The following ALG8 variants were observed in gnomAD, a reference collection of about 807,000 sequenced individuals.
The protein encoded by ALG8 is dolichyl pyrophosphate Glc1Man9GlcNAc2 alpha-1,3-glucosyltransferase.
In ALG8, 48 loss-of-function variants were observed where a neutral mutation model predicts 70.2. The ratio of observed to expected loss-of-function variants is 0.68; its 90% CI spans 0.54 to 0.87. The LOEUF is 0.87. ALG8 is among the 40% of genes least tolerant of loss of function. ALG8 has a pLI of 0.00. For missense variants in ALG8, 572 were observed against 608.7 expected, an observed-to-expected ratio of 0.94 and a Z score of 0.64; for synonymous variants, 234 against 229.0, an observed-to-expected ratio of 1.02 and a Z score of -0.20.
chr11:78,103,187 C>T (rs577367418), intron 12 of ALG8, among the ~76,000 whole-genome samples: 18 of 151,802 alleles, frequency 1.2e-4, no homozygotes, highest in Non-Finnish European at 2.2e-4. Flanking sequence ...TAGCCGGGCA[C>T]AGCAGCTCAC....
intron 5 of ALG8, among the ~76,000 whole-genome samples, chr11:78,118,468 T>C (rs1860676774): frequency 6.6e-6 from 1 of 151,066 alleles, no homozygotes; most frequent in African/African-American, 2.4e-5. Flanking sequence ...ATACAAAAAT[T>C]AGCCAGGCAT....
chr11:78,114,083 T>C (rs780673624), intron 6 of ALG8, 94 bp from the exon 7 acceptor site: 10 of 1,368,946 alleles, frequency 7.3e-6, no homozygotes, highest in South Asian at 1.2e-5. Flanking sequence ...TATCCCACAA[T>C]AGTATACCAA....
At chr11:78,112,315 G>C (rs1860325192) in intron 8 of ALG8, 1 of 341,190 alleles carries the variant, frequency 2.9e-6, no homozygotes, top group African/African-American at 2.1e-5. Flanking sequence ...ATGGTGAGAA[G>C]GGGGGAAAAA....
intron 12 of ALG8, among the ~76,000 whole-genome samples, chr11:78,101,510 T>C (rs1182622409): frequency 6.6e-6 from 1 of 152,162 alleles, no homozygotes; most frequent in Non-Finnish European, 1.5e-5. Flanking sequence ...AGGCCTGTAA[T>C]TCCAGCTACT....
intron 2 of ALG8, among the ~76,000 whole-genome samples, chr11:78,125,367 G>A (rs688355): frequency 0.19 from 28,784 of 151,578 alleles, 3,084 homozygotes; most frequent in Middle Eastern, 0.29. Flanking sequence ...AACAGGGATA[G>A]TAGTATCTAC....
chr11:78,118,660 T>G (rs1212023803), intron 5 of ALG8, among the ~76,000 whole-genome samples: 1 of 144,316 alleles, frequency 6.9e-6, no homozygotes, highest in Non-Finnish European at 1.5e-5. Context: ...AAATGTAATT[T>G]AGGGCAGGCA....
rs370697846 is a variant in ALG8 at position 78,139,601 on chromosome 11, G to C, written c.-13C>G. Reference sequence around the variant, plus strand: ...TGAGCGCCGCCATTGCTGCGGCACCGCACGCTTCCCACCAACTTGATCCAC... The same window carrying C: ...TGAGCGCCGCCATTGCTGCGGCACCCCACGCTTCCCACCAACTTGATCCAC... On this transcript the variant is annotated 5_prime_UTR_variant, in exon 1 of 13. Transcript: ENST00000299626. 18 of 1,551,448 alleles carry C rather than the reference G, an allele frequency of 1.2e-5. No individual in the cohort carries two copies. Among genetic ancestry groups the C allele is most frequent in the Non-Finnish European group, 1.6e-5 (18 of 1,146,712 alleles).
rs1683219 is a variant in ALG8 at position 78,117,784 on chromosome 11, A to C, written c.546+1398T>G. Among the ~76,000 whole-genome samples the C allele has an allele frequency of 1.2e-3, 185 of 148,886 alleles. 3 individuals are homozygous for C. The Middle Eastern group carries it at 0.014, about 12-fold the overall frequency. On this transcript the variant is annotated intron_variant, in intron 5 of 12. Transcript: ENST00000299626. ...CAGAGCAAGACTCCAACTCTTAAGA[A>C]AAAAAAAAGACCGGGAGCGGTGGCT...
At position 78,124,125 on chromosome 11, in the gene ALG8, T is replaced by C; in HGVS notation, c.264A>G (p.Glu88=). The change falls in exon 3 of 13, where the codon GAA becomes GAG. Residue 88 remains glutamate, a synonymous_variant. Transcript: ENST00000299626. ...AATTCAAATTATGGACATTCAGCATTTCTTGATCAAAATATTTGGCAACAT... is the reference window on the plus strand; with the variant it reads ...AATTCAAATTATGGACATTCAGCATCTCTTGATCAAAATATTTGGCAACAT... ...LSHVAKYFDQ[E]MLNVHNLNYS... The C allele has an allele frequency of 6.2e-7, 1 of 1,614,138 alleles. No homozygotes were observed. The highest frequency in any genetic ancestry group is 8.5e-7 in the Non-Finnish European group (1 of 1,180,008).
chr11:78,115,195 G>A (rs898469286), intron 5 of ALG8, among the ~76,000 whole-genome samples: 3 of 152,064 alleles, frequency 2.0e-5, no homozygotes, highest in Non-Finnish European at 4.4e-5. Flanking sequence ...AACACACCCG[G>A]CTAATTTTTG....
intron 8 of ALG8, 52 bp from the exon 9 acceptor site, chr11:78,109,633 A>G: frequency 2.7e-6 from 4 of 1,497,528 alleles, no homozygotes; most frequent in South Asian, 1.1e-5. Context: ...TTACTGAGAT[A>G]CCATATATTA....
chr11:78,106,703 T>C, intron 10 of ALG8, 104 bp downstream of exon 10: 1 of 1,490,874 alleles, frequency 6.7e-7, no homozygotes, highest in Non-Finnish European at 9.3e-7. Flanking sequence ...TACATCTTTG[T>C]TTTTGCCTAT....
chr11:78,130,443 G>C (rs1185074503), intron 1 of ALG8, among the ~76,000 whole-genome samples: 1 of 150,964 alleles, frequency 6.6e-6, no homozygotes, highest in Non-Finnish European at 1.5e-5. Context: ...ATAATATTCT[G>C]CTTATTGATC....
At chr11:78,122,756 G>A (rs1467168733) in intron 3 of ALG8, among the ~76,000 whole-genome samples, 1 of 152,126 alleles carries the variant, frequency 6.6e-6, no homozygotes, top group Non-Finnish European at 1.5e-5. Context: ...AACATTTTGA[G>A]TTAAAAAGAG....
chr11:78,107,341 C>T (rs1249403225), intron 9 of ALG8, among the ~76,000 whole-genome samples: 1 of 148,804 alleles, frequency 6.7e-6, no homozygotes, highest in African/African-American at 2.4e-5. Context: ...CTGCCTCAAC[C>T]TCCCAAGTAG....
At chr11:78,133,240 A>G (rs950244457) in intron 1 of ALG8, among the ~76,000 whole-genome samples, 3 of 152,182 alleles carry the variant, frequency 2.0e-5, no homozygotes, top group Non-Finnish European at 4.4e-5. Context: ...TCACAGGGCT[A>G]GGGATCATAT....
intron 3 of ALG8, among the ~76,000 whole-genome samples, chr11:78,121,721 T>C (rs546475131): frequency 1.1e-4 from 16 of 152,242 alleles, no homozygotes; most frequent in African/African-American, 3.6e-4. Flanking sequence ...TGAGAGAGCA[T>C]ACATTATTTC....
Position 78,104,068 on chromosome 11 carries a change from A to G in ALG8, c.1277-16T>C. On this transcript the variant is annotated splice_polypyrimidine_tract_variant and intron_variant, in intron 11 of 12. Coordinates refer to ENST00000299626, the MANE Select transcript of ALG8 (RefSeq NM_024079.5). ...ATGGGAAGTTCTGTTAAAAGAATAG[A>G]AAAAAAAAGATAATTTAGCTGATGA... The G allele has an allele frequency of 1.4e-6, 2 of 1,391,626 alleles. No individual in the cohort carries two copies. The highest frequency in any genetic ancestry group is 1.4e-5 in the African/African-American group (1 of 70,278). The allele number at this position is 1,391,626 out of a possible 1,614,324, so 86.2% of individuals were successfully genotyped here.
intron 9 of ALG8, among the ~76,000 whole-genome samples, chr11:78,107,251 C>T (rs1423885674): frequency 3.4e-5 from 5 of 147,758 alleles, no homozygotes; most frequent in African/African-American, 7.4e-5. Flanking sequence ...GACGGAGTCT[C>T]GCTTTGTTGC....
Sources: allele counts gnomAD v4.1 joint callset (sites outside exome capture counted in the v4.1 genomes callset), GRCh38; gene constraint gnomAD v4.1.1; transcripts MANE v1.5; gene names NCBI Gene and HGNC (gene_info 2026-07-23, HGNC 2026-07-21).